The following HSD17B12 variants were observed in gnomAD, a reference collection of about 807,000 sequenced individuals.
HSD17B12 encodes hydroxysteroid 17-beta dehydrogenase 12, also known as very-long-chain 3-oxoacyl-CoA reductase.
Under a neutral mutation model 39.3 loss-of-function variants are expected in HSD17B12, and 32 were observed. The observed-to-expected ratio is 0.81, with a 90% CI of 0.61 to 1.09. The LOEUF is 1.09. HSD17B12 is among the 50% of genes least tolerant of loss of function. The pLI is 0.00. For synonymous variants in HSD17B12, 150 were observed against 146.7 expected, an observed-to-expected ratio of 1.02 and a Z score of -0.16; for missense variants, 342 against 382.9, an observed-to-expected ratio of 0.89 and a Z score of 0.89.
chr11:43,617,820 A>G, the HSD17B12 span, among the ~76,000 whole-genome samples: 2 of 152,152 alleles, frequency 1.3e-5, no homozygotes, highest in Admixed American at 6.5e-5. Flanking sequence ...ATGTCCTCGC[A>G]GACAGGAGGT....
chr11:43,733,254 G>A (rs1438512390), intron 1 of HSD17B12, among the ~76,000 whole-genome samples: 1 of 152,156 alleles, frequency 6.6e-6, no homozygotes, highest in Admixed American at 6.5e-5. Context: ...GGTTTATGTT[G>A]TGGCGATCAG....
At chr11:43,724,265 G>C (rs542475853) in intron 1 of HSD17B12, 10 of 133,622 alleles carry the variant, frequency 7.5e-5, no homozygotes, top group African/African-American at 2.8e-4. Context: ...GTGTGTTTTC[G>C]TTTATTTACT....
chr11:43,588,037 G>C, the HSD17B12 span, among the ~76,000 whole-genome samples: 3 of 152,220 alleles, frequency 2.0e-5, no homozygotes, highest in Non-Finnish European at 2.9e-5. Flanking sequence ...AACAGACATG[G>C]ATAGGTCTGT....
At chr11:43,792,156 C>T (rs902434533) in intron 3 of HSD17B12, among the ~76,000 whole-genome samples, 11 of 151,926 alleles carry the variant, frequency 7.2e-5, no homozygotes, top group African/African-American at 2.7e-4. Flanking sequence ...TGTAAGGATA[C>T]GGTAAGGCCT....
At chr11:43,816,980 A>C (rs551171863) in intron 6 of HSD17B12, among the ~76,000 whole-genome samples, 1 of 132,876 alleles carries the variant, frequency 7.5e-6, no homozygotes, top group Non-Finnish European at 1.6e-5. Context: ...ATTCCATCAT[A>C]TATATCTATA....
the HSD17B12 span, among the ~76,000 whole-genome samples, chr11:43,585,728 A>G: frequency 6.6e-6 from 1 of 152,192 alleles, no homozygotes; most frequent in Non-Finnish European, 1.5e-5. Context: ...TGCAGCATCT[A>G]TCTTTGGGCA....
At chr11:43,684,763 T>C (rs1949782409) in intron 1 of HSD17B12, among the ~76,000 whole-genome samples, 1 of 152,248 alleles carries the variant, frequency 6.6e-6, no homozygotes, top group Non-Finnish European at 1.5e-5. Flanking sequence ...TTTTTACTTA[T>C]GTTCACAGGG....
At chr11:43,622,291 A>G in the HSD17B12 span, among the ~76,000 whole-genome samples, 1 of 152,112 alleles carries the variant, frequency 6.6e-6, no homozygotes, top group African/African-American at 2.4e-5. Context: ...TTGACTTCCT[A>G]GACACTCTGT....
At chr11:43,703,265 GCTCACTGCAAGCTCCGC>G (rs1949982952) in intron 1 of HSD17B12, among the ~76,000 whole-genome samples, 1 of 151,842 alleles carries the variant, frequency 6.6e-6, no homozygotes, top group Admixed American at 6.6e-5. Context: ...CGGGATCTTG[GCTCACTGCAAGCTCCGC>G]CTCCCGGGTT....
chr11:43,645,022 G>C, the HSD17B12 span: 2 of 152,174 alleles, frequency 1.3e-5, no homozygotes, highest in African/African-American at 2.4e-5. Flanking sequence ...AGGCTTCCCT[G>C]GTGCTGTGAA....
intron 3 of HSD17B12, among the ~76,000 whole-genome samples, chr11:43,794,192 T>A (rs541790485): frequency 7.0e-4 from 107 of 152,222 alleles, no homozygotes; most frequent in Non-Finnish European, 1.3e-3. Flanking sequence ...AGTGGGATGC[T>A]AGCTCATACA....
At chr11:43,733,971 C>A in intron 1 of HSD17B12, 1 of 711,344 alleles carries the variant, frequency 1.4e-6, no homozygotes, top group Non-Finnish European at 2.6e-6. Context: ...CTGTTCTCGA[C>A]CACGTAATGC....
chr11:43,761,430 A>T (rs745914119), intron 3 of HSD17B12, among the ~76,000 whole-genome samples: 2 of 152,194 alleles, frequency 1.3e-5, no homozygotes, highest in Non-Finnish European at 2.9e-5. Flanking sequence ...TTATCTAATG[A>T]TTTACCAGTT....
At chr11:43,777,122 G>GT (rs1950714077) in intron 3 of HSD17B12, among the ~76,000 whole-genome samples, 3 of 152,296 alleles carry the variant, frequency 2.0e-5, no homozygotes, top group Admixed American at 2.0e-4. Flanking sequence ...TTTTAAAGTA[G>GT]TTTTTTCCAA....
chr11:43,715,032 G>A (rs1388929969), intron 1 of HSD17B12, among the ~76,000 whole-genome samples: 1 of 152,120 alleles, frequency 6.6e-6, no homozygotes, highest in African/African-American at 2.4e-5. Context: ...GGGCTGAGAC[G>A]ATGGGGTTTT....
the HSD17B12 span, among the ~76,000 whole-genome samples, chr11:43,627,058 G>A: frequency 2.6e-5 from 4 of 151,930 alleles, no homozygotes; most frequent in South Asian, 2.1e-4. Flanking sequence ...GACATCACTC[G>A]GATAACATAG....
chr11:43,686,525 C>T (rs140838160), intron 1 of HSD17B12, among the ~76,000 whole-genome samples: 82 of 151,510 alleles, frequency 5.4e-4, no homozygotes, highest in African/African-American at 1.9e-3. Context: ...ATTACAGATC[C>T]TGAGTTTACA....
chr11:43,793,769 C>G (rs543053823), intron 3 of HSD17B12, among the ~76,000 whole-genome samples: 1 of 152,160 alleles, frequency 6.6e-6, no homozygotes, highest in Non-Finnish European at 1.5e-5. Context: ...TACTCTGTGT[C>G]GTAAACAGCA....
At chr11:43,755,142 G>A (rs907363610) in intron 3 of HSD17B12, 1 of 319,984 alleles carries the variant, frequency 3.1e-6, no homozygotes, top group Non-Finnish European at 5.6e-6. Context: ...TAAATATTCT[G>A]TAAAATGATG....
Sources: gnomAD v4.1 joint callset for allele counts (sites outside exome capture counted in the v4.1 genomes callset) on GRCh38, gnomAD v4.1.1 for gene constraint, MANE v1.5 for transcripts, NCBI Gene and HGNC (gene_info 2026-07-23, HGNC 2026-07-21) for gene names.